Variants in NAA11 observed in about 807,000 individuals in gnomAD.
The protein encoded by NAA11 is N-alpha-acetyltransferase 11.
A neutral mutation model predicts 16.1 loss-of-function variants in NAA11; 15 were observed. That is an observed-to-expected ratio of 0.93 (90% CI 0.62 to 1.44). The LOEUF (loss-of-function observed/expected upper bound fraction) is 1.44, where lower values mean the gene tolerates loss of function less well. NAA11 is among the 40% of genes most tolerant of loss of function. The pLI, the probability that NAA11 is intolerant of heterozygous loss-of-function variation, is 0.00. For missense variants in NAA11, 298 were observed against 291.3 expected, an observed-to-expected ratio of 1.02 and a Z score of -0.17; for synonymous variants, 122 against 112.4, an observed-to-expected ratio of 1.09 and a Z score of -0.54.
chr4:79,282,099 G>A (rs975762918), intron 2 of NAA11, among the ~76,000 whole-genome samples: 24 of 152,092 alleles, frequency 1.6e-4, no homozygotes, highest in Non-Finnish European at 2.9e-4. Context: ...TAGGGACAAA[G>A]TGTCCTGGCA....
intron 1 of NAA11, among the ~76,000 whole-genome samples, chr4:79,297,083 C>G (rs971823220): frequency 1.3e-5 from 2 of 152,176 alleles, no homozygotes; most frequent in Non-Finnish European, 2.9e-5. Context: ...CAGGCAGGAC[C>G]TGCTCCCAGG....
intron 2 of NAA11, among the ~76,000 whole-genome samples, chr4:79,253,654 C>T (rs759549468): frequency 3.3e-5 from 5 of 151,980 alleles, no homozygotes; most frequent in South Asian, 2.1e-4. Context: ...AGAAGTCCTA[C>T]GACAGAATAT....
At chr4:79,303,702 T>C (rs1723478282) in intron 1 of NAA11, among the ~76,000 whole-genome samples, 1 of 152,240 alleles carries the variant, frequency 6.6e-6, no homozygotes, top group South Asian at 2.1e-4. Context: ...GGTAGTCTTT[T>C]GACTTGGGTA....
At chr4:79,178,491 A>C in the NAA11 span, among the ~76,000 whole-genome samples, 5 of 152,232 alleles carry the variant, frequency 3.3e-5, no homozygotes. Context: ...GGAGATATAT[A>C]TTAGGAAGAA....
chr4:79,271,627 C>T (rs923334665), intron 2 of NAA11, among the ~76,000 whole-genome samples: 2 of 151,906 alleles, frequency 1.3e-5, no homozygotes, highest in Non-Finnish European at 2.9e-5. Flanking sequence ...AGCACCCTAA[C>T]GTTATTAAGA....
At chr4:79,266,076 A>G (rs1422095087) in intron 2 of NAA11, among the ~76,000 whole-genome samples, 1 of 152,124 alleles carries the variant, frequency 6.6e-6, no homozygotes, top group African/African-American at 2.4e-5. Context: ...CACTGTACAC[A>G]TAACTCTCTC....
At chr4:79,184,776 T>C in the NAA11 span, among the ~76,000 whole-genome samples, 1 of 152,204 alleles carries the variant, frequency 6.6e-6, no homozygotes, top group Non-Finnish European at 1.5e-5. Context: ...TAAGTATGTG[T>C]ATTTCCGGAA....
At chr4:79,259,886 G>T (rs1017719197) in intron 2 of NAA11, among the ~76,000 whole-genome samples, 1 of 152,024 alleles carries the variant, frequency 6.6e-6, no homozygotes, top group Non-Finnish European at 1.5e-5. Flanking sequence ...TTCATTTCAG[G>T]TGTCTCTGTG....
At chr4:79,202,648 T>TATATATATATATATATATATATATATA in the NAA11 span, among the ~76,000 whole-genome samples, 1 of 127,698 alleles carries the variant, frequency 7.8e-6, no homozygotes, top group Non-Finnish European at 1.7e-5. Flanking sequence ...TATATATATA[T>TATATATATATATATATATATATATATA]ATCTGTGTAA....
intron 2 of NAA11, among the ~76,000 whole-genome samples, chr4:79,239,938 T>C (rs577631676): frequency 1.8e-4 from 27 of 152,112 alleles, no homozygotes; most frequent in Non-Finnish European, 3.5e-4. Context: ...CTCAACATCA[T>C]GGTGTGCACT....
At chr4:79,158,698 GATATATATATATAT>G in the NAA11 span, among the ~76,000 whole-genome samples, 1 of 112,146 alleles carries the variant, frequency 8.9e-6, no homozygotes, top group Non-Finnish European at 2.1e-5. Context: ...CACATTACCT[GATATATATATATAT>G]ATATATATAT....
At chr4:79,254,317 A>G (rs1246492266) in intron 2 of NAA11, among the ~76,000 whole-genome samples, 2 of 152,234 alleles carry the variant, frequency 1.3e-5, no homozygotes, top group Non-Finnish European at 1.5e-5. Context: ...TGGTTTCCTC[A>G]CTTCCTGTTG....
downstream of NAA11, among the ~76,000 whole-genome samples, chr4:79,222,876 CA>C (rs1475186939): frequency 3.4e-4 from 52 of 151,974 alleles, no homozygotes; most frequent in South Asian, 5.2e-3. Context: ...TCTATGCAGC[CA>C]AAAGACACAT....
At chr4:79,306,165 T>C (rs1001209030) in intron 1 of NAA11, among the ~76,000 whole-genome samples, 2 of 152,220 alleles carry the variant, frequency 1.3e-5, no homozygotes, top group African/African-American at 4.8e-5. Flanking sequence ...ATGACTTAAC[T>C]TTGGGCCTTT....
At chr4:79,311,199 T>C (rs1442821145) in intron 1 of NAA11, among the ~76,000 whole-genome samples, 1 of 152,210 alleles carries the variant, frequency 6.6e-6, no homozygotes, top group Non-Finnish European at 1.5e-5. Context: ...CAAATGTCTT[T>C]TAATAAGAAT....
intron 2 of NAA11, among the ~76,000 whole-genome samples, chr4:79,226,678 GT>G (rs1721324060): frequency 6.7e-6 from 1 of 149,594 alleles, no homozygotes; most frequent in Non-Finnish European, 1.5e-5. Context: ...AACATGTGGT[GT>G]TTGTTTTTTT....
At chr4:79,284,077 A>G (rs147604074) in intron 2 of NAA11, among the ~76,000 whole-genome samples, 1 of 152,250 alleles carries the variant, frequency 6.6e-6, no homozygotes, top group Non-Finnish European at 1.5e-5. Flanking sequence ...ACAAAACTTT[A>G]TAAATGCAAT....
chr4:79,277,208 T>C (rs1288966784), intron 2 of NAA11, among the ~76,000 whole-genome samples: 1 of 152,088 alleles, frequency 6.6e-6, no homozygotes, highest in Non-Finnish European at 1.5e-5. Context: ...ACAGGATGGC[T>C]AGAAAAGTGG....
chr4:79,200,054 T>G, the NAA11 span, among the ~76,000 whole-genome samples: 1 of 151,792 alleles, frequency 6.6e-6, no homozygotes, highest in African/African-American at 2.4e-5. Flanking sequence ...TCTTCAAATA[T>G]TTATTCAAAT....
Sources: allele counts gnomAD v4.1 joint callset (sites outside exome capture counted in the v4.1 genomes callset), GRCh38; gene constraint gnomAD v4.1.1; transcripts MANE v1.5; gene names NCBI Gene and HGNC (gene_info 2026-07-23, HGNC 2026-07-21).